RNF111: variants seen among roughly 807,000 people sequenced by gnomAD.
RNF111 encodes E3 ubiquitin-protein ligase Arkadia.
A neutral mutation model predicts 95.1 loss-of-function variants in RNF111; 17 were observed. The ratio of observed to expected loss-of-function variants is 0.18; its 90% CI spans 0.12 to 0.27. The LOEUF (loss-of-function observed/expected upper bound fraction) is 0.27, where lower values mean the gene tolerates loss of function less well. RNF111 is among the 10% of genes least tolerant of loss of function. RNF111 has a pLI of 1.00. For missense variants in RNF111, 1,189 were observed against 1,210.4 expected, an observed-to-expected ratio of 0.98 and a Z score of 0.26; for synonymous variants, 440 against 414.8, an observed-to-expected ratio of 1.06 and a Z score of -0.74.
At position 59,031,041 on chromosome 15, in the gene RNF111, G is replaced by A. The variant is rs2040878945; in HGVS notation, c.219G>A (p.Lys73=). The stretch of plus-strand genomic sequence containing the variant: ...CTCACCTGTGTGATGATTCTCAAAA[G>A]CAAGAGAAGGAAATGAATGGTAACC... ...EFSHLCDDSQ[K]QEKEMNGNQQ... The change falls in exon 2 of 14, where the codon AAG becomes AAA. Residue 73 remains lysine (K), a synonymous_variant. Transcript: ENST00000348370. 14 of 1,614,242 alleles carry A rather than the reference G, an allele frequency of 8.7e-6. No individual in the cohort carries two copies. Among genetic ancestry groups the A allele is most frequent in the Non-Finnish European group, 1.2e-5 (14 of 1,180,042 alleles).
intron 8 of RNF111, among the ~76,000 whole-genome samples, chr15:59,082,455 A>C (rs1425474432): frequency 1.3e-5 from 2 of 152,270 alleles, no homozygotes; most frequent in African/African-American, 2.4e-5. Flanking sequence ...AGTGAATGAC[A>C]GTGAAAATAT....
chr15:59,063,637 T>C (rs1393638211), intron 5 of RNF111, among the ~76,000 whole-genome samples: 1 of 152,214 alleles, frequency 6.6e-6, no homozygotes, highest in African/African-American at 2.4e-5. Flanking sequence ...GAGAGGCTAA[T>C]TGGTTGTCTT....
intron 1 of RNF111, among the ~76,000 whole-genome samples, chr15:59,012,003 C>CTTTTTTTTTTTTTTTTTTTTTTTTTTTT (rs71425836): frequency 4.9e-5 from 2 of 40,450 alleles, no homozygotes; most frequent in African/African-American, 1.7e-4. Context: ...GTTTGTTTGC[C>CTTTTTTTTTTTTTTTTTTTTTTTTTTTT]TTTTTTTTTT....
At chr15:59,071,129 C>T (rs1055493143) in intron 6 of RNF111, among the ~76,000 whole-genome samples, 15 of 151,492 alleles carry the variant, frequency 9.9e-5, no homozygotes, top group Admixed American at 7.9e-4. Flanking sequence ...AACCCTGTCT[C>T]TACTAAGTAT....
chr15:59,091,044 A>C lies in RNF111; in HGVS notation c.2644-15A>C. 6.6e-7 allele frequency: 1 copy of C among 1,522,354 alleles called. No homozygotes were observed. Among genetic ancestry groups the C allele is most frequent in the South Asian group, 1.1e-5 (1 of 87,722 alleles). The allele number at this position is 1,522,354 out of a possible 1,614,324, so 94.3% of individuals were successfully genotyped here. On this transcript the variant is annotated splice_polypyrimidine_tract_variant and intron_variant, in intron 11 of 13. Transcript: ENST00000348370. ...CATCTTGGCTTTTACCAGTCATTATATTCTTCACTTTCAGGAACTGATTCA... is the reference window on the plus strand; with the variant it reads ...CATCTTGGCTTTTACCAGTCATTATCTTCTTCACTTTCAGGAACTGATTCA...
At chr15:59,055,611 G>A in intron 3 of RNF111, 71 bp from the exon 4 acceptor site, 8 of 1,172,370 alleles carry the variant, frequency 6.8e-6, no homozygotes, top group South Asian at 1.9e-5. Flanking sequence ...AGTAAGAAAG[G>A]CTTATGGGTT....
chr15:59,092,055 T>C (rs1681617698), intron 12 of RNF111, among the ~76,000 whole-genome samples: 1 of 152,222 alleles, frequency 6.6e-6, no homozygotes, highest in Non-Finnish European at 1.5e-5. Context: ...AGAATAATCA[T>C]AAAGTGTGAA....
intron 1 of RNF111, among the ~76,000 whole-genome samples, chr15:58,989,491 TCTC>T (rs1272147021): frequency 6.6e-6 from 1 of 152,174 alleles, no homozygotes; most frequent in Non-Finnish European, 1.5e-5. Context: ...GAAGAATGAG[TCTC>T]CTTGTTTATC....
In RNF111 at chr15:59,031,055, T is replaced by A. The variant is rs1345828610; in HGVS notation, c.233T>A (p.Met78Lys). 2 of 1,614,068 alleles carry A rather than the reference T, an allele frequency of 1.2e-6. No homozygotes were observed. Among genetic ancestry groups the A allele is most frequent in the Non-Finnish European group, 1.7e-6 (2 of 1,180,046 alleles). The change falls in exon 2 of 14, where the codon ATG becomes AAG. Residue 78 changes from methionine to lysine, a missense_variant. Transcript: ENST00000348370. ...CDDSQKQEKEMNGNQQEQEKS... is the reference protein window; with the variant it reads ...CDDSQKQEKEKNGNQQEQEKS... ...GATTCTCAAAAGCAAGAGAAGGAAA[T>A]GAATGGTAACCAGCAAGAACAAGAA...
chr15:59,084,869 C>G (rs532582860), intron 9 of RNF111, among the ~76,000 whole-genome samples: 1 of 151,980 alleles, frequency 6.6e-6, no homozygotes, highest in South Asian at 2.1e-4. Context: ...AGGCGTGGAC[C>G]TTTTTTCCTG....
chr15:59,006,645 C>T (rs183894393), intron 1 of RNF111, among the ~76,000 whole-genome samples: 4 of 152,170 alleles, frequency 2.6e-5, no homozygotes, highest in African/African-American at 7.2e-5. Flanking sequence ...TTCCTCCAAC[C>T]GTCCATCAAC....
Position 58,994,180 on chromosome 15 carries a change from G to C in RNF111, c.-20+6112G>C, listed in dbSNP as rs148537554. ...ACCCTCCCAGGTAGCTGGGATTAGAGGTGCACGCTACCACGCTCAGGTTAT... is the reference window on the plus strand; with the variant it reads ...ACCCTCCCAGGTAGCTGGGATTAGACGTGCACGCTACCACGCTCAGGTTAT... On this transcript the variant is annotated intron_variant, in intron 1 of 13. Transcript: ENST00000348370. Among the ~76,000 whole-genome samples, 555 of 151,520 alleles carry C rather than the reference G, an allele frequency of 3.7e-3. 4 individuals are homozygous for C. Among genetic ancestry groups the C allele is most frequent in the African/African-American group, 0.013 (530 of 41,276 alleles).
At chr15:59,015,264 G>T (rs1021502631) in intron 1 of RNF111, among the ~76,000 whole-genome samples, 1 of 151,970 alleles carries the variant, frequency 6.6e-6, no homozygotes, top group Non-Finnish European at 1.5e-5. Context: ...CATTTTGAAG[G>T]CTTTCTTTGC....
chr15:59,043,348 G>T (rs567671377), intron 2 of RNF111, among the ~76,000 whole-genome samples: 1 of 152,116 alleles, frequency 6.6e-6, no homozygotes, highest in Admixed American at 6.5e-5. Flanking sequence ...TAGAGACGGG[G>T]TTTTCACCAT....
intron 1 of RNF111, among the ~76,000 whole-genome samples, chr15:58,997,058 T>G (rs2039106619): frequency 6.6e-6 from 1 of 152,188 alleles, no homozygotes; most frequent in Non-Finnish European, 1.5e-5. Context: ...TTACTTAGTT[T>G]TCATGTCAGT....
chr15:59,015,851 A>G (rs1306265046), intron 1 of RNF111, among the ~76,000 whole-genome samples: 5 of 151,858 alleles, frequency 3.3e-5, no homozygotes, highest in Admixed American at 6.6e-5. Flanking sequence ...TTTATAACGT[A>G]TTCTGGTTAT....
In RNF111 at chr15:59,037,441, G is replaced by T. The variant is rs533572248; in HGVS notation, c.880+5739G>T. ...GTAATATATTTCTAGGATCTATTCA[G>T]AGAACCTTACTGGAACTAATTGACA... On this transcript the variant is annotated intron_variant, in intron 2 of 13. Coordinates refer to ENST00000348370, the MANE Select transcript of RNF111 (RefSeq NM_017610.8). 5.9e-5 allele frequency among the ~76,000 whole-genome samples: 9 copies of T among 152,304 alleles called. No homozygotes were observed. The South Asian group carries it at 1.9e-3, about 32-fold the overall frequency.
chr15:59,039,308 G>A (rs1166435434), intron 2 of RNF111, among the ~76,000 whole-genome samples: 1 of 152,078 alleles, frequency 6.6e-6, no homozygotes, highest in Non-Finnish European at 1.5e-5. Context: ...ATTATCTGAG[G>A]TTCTTCTATA....
rs140381669 is a variant in RNF111 at position 59,094,500 on chromosome 15, A to G, written c.2844-283A>G. Among the ~76,000 whole-genome samples the G allele has an allele frequency of 3.8e-3, 583 of 152,328 alleles. 3 individuals are homozygous for G. Among genetic ancestry groups the G allele is most frequent in the African/African-American group, 0.013 (556 of 41,576 alleles). Reference sequence around the variant, plus strand: ...ATACTGCTAACTCCAGGGCATTGGCAGCTCCTGTACCAAAACAAAACTGGA... The same window carrying G: ...ATACTGCTAACTCCAGGGCATTGGCGGCTCCTGTACCAAAACAAAACTGGA... On this transcript the variant is annotated intron_variant, in intron 13 of 13. Transcript: ENST00000348370.
Sources: gnomAD v4.1 joint callset for allele counts (sites outside exome capture counted in the v4.1 genomes callset) on GRCh38, gnomAD v4.1.1 for gene constraint, MANE v1.5 for transcripts, NCBI Gene and HGNC (gene_info 2026-07-23, HGNC 2026-07-21) for gene names.